CACNA2D3: variants seen among roughly 807,000 people sequenced by gnomAD.
CACNA2D3 encodes the protein voltage-dependent calcium channel subunit alpha-2/delta-3.
Under a neutral mutation model 160.6 loss-of-function variants are expected in CACNA2D3, and 60 were observed. The ratio of observed to expected loss-of-function variants is 0.37; its 90% CI spans 0.30 to 0.46. CACNA2D3 has a LOEUF of 0.46. CACNA2D3 is among the 20% of genes least tolerant of loss of function. The pLI is 1.00. For missense variants in CACNA2D3, 1,205 were observed against 1,365.0 expected, an observed-to-expected ratio of 0.88 and a Z score of 1.85; for synonymous variants, 558 against 492.9, an observed-to-expected ratio of 1.13 and a Z score of -1.75.
chr3:54,660,164 T>C (rs1699942715), intron 11 of CACNA2D3, among the ~76,000 whole-genome samples: 1 of 150,538 alleles, frequency 6.6e-6, no homozygotes, highest in South Asian at 2.1e-4. Flanking sequence ...TTTCTTTTTA[T>C]TTTTTTTTAT....
chr3:54,772,415 G>C (rs1702337281), intron 13 of CACNA2D3, among the ~76,000 whole-genome samples: 2 of 152,020 alleles, frequency 1.3e-5, no homozygotes. Context: ...ACAAGTTCAA[G>C]ATAAAAGTTT....
intron 11 of CACNA2D3, among the ~76,000 whole-genome samples, chr3:54,665,176 AC>A (rs1421064171): frequency 1.3e-5 from 2 of 152,196 alleles, no homozygotes; most frequent in Admixed American, 6.5e-5. Context: ...TGCTGTGGAA[AC>A]GACATGTCCT....
chr3:54,529,758 T>G (rs1021019779), intron 5 of CACNA2D3, among the ~76,000 whole-genome samples: 1 of 152,242 alleles, frequency 6.6e-6, no homozygotes, highest in Non-Finnish European at 1.5e-5. Flanking sequence ...TTATCTTTCT[T>G]TATAATTCTT....
At chr3:54,198,206 G>GAA (rs1228462868) in intron 2 of CACNA2D3, among the ~76,000 whole-genome samples, 1 of 152,204 alleles carries the variant, frequency 6.6e-6, no homozygotes, top group Non-Finnish European at 1.5e-5. Flanking sequence ...ACCTAAAAGA[G>GAA]CCCCCATCCT....
intron 27 of CACNA2D3, among the ~76,000 whole-genome samples, chr3:54,913,957 A>T (rs1700609993): frequency 6.6e-6 from 1 of 152,234 alleles, no homozygotes; most frequent in African/African-American, 2.4e-5. Flanking sequence ...TTGGGTGCTC[A>T]GTAAATGCTG....
chr3:54,533,621 C>T (rs947716061), intron 5 of CACNA2D3, among the ~76,000 whole-genome samples: 1 of 152,102 alleles, frequency 6.6e-6, no homozygotes, highest in African/African-American at 2.4e-5. Flanking sequence ...AGGTGTGAGC[C>T]ACAGCACCCA....
intron 4 of CACNA2D3, among the ~76,000 whole-genome samples, chr3:54,398,288 C>G (rs1464642595): frequency 1.9e-5 from 2 of 103,798 alleles, no homozygotes; most frequent in African/African-American, 7.4e-5. Context: ...CAGTCTGTGT[C>G]TTTTAATTGC....
intron 30 of CACNA2D3, among the ~76,000 whole-genome samples, chr3:54,987,445 C>G (rs1575423311): frequency 6.6e-6 from 1 of 152,280 alleles, no homozygotes; most frequent in East Asian, 1.9e-4. Context: ...TTAATTTCAG[C>G]ATTCAGCATG....
At position 54,899,831 on chromosome 3, in the gene CACNA2D3, C is replaced by T. The variant is rs777831872; in HGVS notation, c.2412C>T (p.Ile804=). The change falls in exon 27 of 38, where the codon ATC becomes ATT. Residue 804 remains isoleucine, a synonymous_variant. Coordinates refer to ENST00000474759, the MANE Select transcript of CACNA2D3 (RefSeq NM_018398.3). The part of the protein sequence containing the change: ...KSNVVTASTS[I]QLLDERKSPV... The stretch of plus-strand genomic sequence containing the variant: ...ATGTGGTGACAGCAAGTACATCCAT[C>T]CAGCTCCTGGATGAACGGAAATCTC... The T allele has an allele frequency of 1.2e-6, 2 of 1,608,198 alleles. No homozygotes were observed. The highest frequency in any genetic ancestry group is 2.2e-5 in the East Asian group (1 of 44,742).
chr3:54,290,549 C>A (rs4928033), intron 2 of CACNA2D3, among the ~76,000 whole-genome samples: 52,817 of 149,660 alleles, frequency 0.35, 10,374 homozygotes, highest in African/African-American at 0.52. Flanking sequence ...CCCAGCCATC[C>A]CATTACTGGG....
chr3:54,753,891 C>G (rs1360020817), intron 12 of CACNA2D3, among the ~76,000 whole-genome samples: 1 of 152,062 alleles, frequency 6.6e-6, no homozygotes, highest in Non-Finnish European at 1.5e-5. Flanking sequence ...TACCTAAAAT[C>G]TATTCTTTTA....
intron 2 of CACNA2D3, among the ~76,000 whole-genome samples, chr3:54,154,389 A>G (rs1186246950): frequency 1.3e-5 from 2 of 152,186 alleles, no homozygotes; most frequent in African/African-American, 4.8e-5. Flanking sequence ...AGGTTAATTA[A>G]TGGGCCCAAG....
intron 11 of CACNA2D3, among the ~76,000 whole-genome samples, chr3:54,749,145 G>T (rs570454064): frequency 3.6e-4 from 54 of 152,048 alleles, no homozygotes; most frequent in Non-Finnish European, 7.4e-4. Flanking sequence ...ATGCTAGTTT[G>T]TAAAATGGTA....
intron 11 of CACNA2D3, among the ~76,000 whole-genome samples, chr3:54,740,403 A>G (rs1701626464): frequency 6.6e-6 from 1 of 152,080 alleles, no homozygotes; most frequent in Non-Finnish European, 1.5e-5. Context: ...GCTACTGCTC[A>G]CTGAAGTCCT....
chr3:54,709,536 T>G (rs1289110553), intron 11 of CACNA2D3, among the ~76,000 whole-genome samples: 2 of 152,040 alleles, frequency 1.3e-5, no homozygotes, highest in African/African-American at 4.8e-5. Context: ...AATTTTTAAA[T>G]TTTTTTGTAG....
At position 54,336,666 on chromosome 3, in the gene CACNA2D3, A is replaced by T. The variant is rs183590669; in HGVS notation, c.321+16108A>T. Among the ~76,000 whole-genome samples, 287 of 152,336 alleles carry T rather than the reference A, an allele frequency of 1.9e-3. 1 individual carries two copies. Among genetic ancestry groups the T allele is most frequent in the Non-Finnish European group, 3.1e-3 (213 of 68,036 alleles). On this transcript the variant is annotated intron_variant, in intron 3 of 37. Transcript: ENST00000474759. ...TAAGTAAAGGTGAGGTGAGAAGGCC[A>T]GTTGCAGCCTGGTTTTTGAAGGCAG...
intron 11 of CACNA2D3, among the ~76,000 whole-genome samples, chr3:54,688,206 TA>T (rs1372186498): frequency 6.6e-6 from 1 of 152,212 alleles, no homozygotes; most frequent in Non-Finnish European, 1.5e-5. Context: ...TCTTATTTCT[TA>T]CTTTGTATTA....
intron 6 of CACNA2D3, among the ~76,000 whole-genome samples, chr3:54,567,238 G>A (rs1352456437): frequency 6.6e-6 from 1 of 152,186 alleles, no homozygotes; most frequent in Non-Finnish European, 1.5e-5. Flanking sequence ...TTTGACTGTA[G>A]CTTGACTCAC....
intron 13 of CACNA2D3, among the ~76,000 whole-genome samples, chr3:54,786,336 T>G (rs1284028522): frequency 1.3e-5 from 2 of 152,212 alleles, no homozygotes; most frequent in Non-Finnish European, 2.9e-5. Flanking sequence ...GAATGAATGG[T>G]AAAATAGTGT....
Sources: gnomAD v4.1 joint callset for allele counts (sites outside exome capture counted in the v4.1 genomes callset) on GRCh38, gnomAD v4.1.1 for gene constraint, MANE v1.5 for transcripts, NCBI Gene and HGNC (gene_info 2026-07-23, HGNC 2026-07-21) for gene names.